Variants in GABRA5 observed in about 807,000 individuals in gnomAD.
GABRA5 encodes the protein gamma-aminobutyric acid receptor subunit alpha-5.
GABRA5 carries 18 observed loss-of-function variants against 47.3 expected under a neutral mutation model. The observed-to-expected ratio is 0.38, with a 90% CI of 0.26 to 0.56. GABRA5 has a LOEUF of 0.56. GABRA5 is among the 20% of genes least tolerant of loss of function. The probability of loss-of-function intolerance (pLI) is 0.71; values close to 1 mark genes in which losing one functional copy is unlikely to be tolerated. For synonymous variants in GABRA5, 237 were observed against 229.3 expected, an observed-to-expected ratio of 1.03 and a Z score of -0.30; for missense variants, 365 against 599.3, an observed-to-expected ratio of 0.61 and a Z score of 4.08.
chr15:26,883,578 G>T lies in GABRA5; in HGVS notation c.497+21G>T, dbSNP rs1254379164. ...ATGCGGTGAGCGCCGGGCGGGGGCG[G>T]GCGGGGCCGGGGGACGGTGCGGGGC... On this transcript the variant is annotated intron_variant, in intron 6 of 10. Coordinates refer to ENST00000335625, the MANE Select transcript of GABRA5 (RefSeq NM_000810.4). The surrounding 1 kb of genome is among the most constrained non-coding windows in gnomAD (Gnocchi z 4.8). 1.3e-6 allele frequency: 2 copies of T among 1,501,002 alleles called. No homozygotes were observed. Among genetic ancestry groups the T allele is most frequent in the South Asian group, 1.2e-5 (1 of 83,768 alleles). The allele number at this position is 1,501,002 out of a possible 1,614,324, so 93.0% of individuals were successfully genotyped here.
rs558763017 is a variant in GABRA5 at position 26,945,601 on chromosome 15, C to T, written c.1089+2175C>T. ...TGGCCAGGGCTTTAGACTCCTGCCT[C>T]GCTGCCCACCAGATGTGTCTGATTT... On this transcript the variant is annotated intron_variant, in intron 10 of 10. Transcript: ENST00000335625. Among the ~76,000 whole-genome samples, 200 of 152,302 alleles carry T rather than the reference C, an allele frequency of 1.3e-3. 2 individuals carry two copies. The highest frequency in any genetic ancestry group is 2.9e-4 in the Non-Finnish European group (20 of 68,016).
At chr15:26,882,822 CA>C (rs1444951274) in intron 4 of GABRA5, among the ~76,000 whole-genome samples, 1 of 152,132 alleles carries the variant, frequency 6.6e-6, no homozygotes, top group Non-Finnish European at 1.5e-5. Context: ...AGGCTGGCAT[CA>C]TTGCTCCAGG....
chr15:26,894,324 A>T (rs9744804), intron 6 of GABRA5, among the ~76,000 whole-genome samples: 1 of 152,060 alleles, frequency 6.6e-6, no homozygotes, highest in Non-Finnish European at 1.5e-5. Flanking sequence ...GTGTGCGTCC[A>T]GGGGCCACCC....
rs1484080343 is a variant in GABRA5, at chr15:26,948,795, C to A, written c.*562C>A. On this transcript the variant is annotated 3_prime_UTR_variant, in exon 11 of 11. Transcript: ENST00000335625. ...ATCTTACACGAAGAAATAGAATAGG[C>A]AAACTTTTATGCAGGCAGATTAATA... 1 of 152,384 alleles carries A rather than the reference C, an allele frequency of 6.6e-6. No individual in the cohort carries two copies. Among genetic ancestry groups the A allele is most frequent in the Non-Finnish European group, 1.5e-5 (1 of 68,270 alleles). 9.4% of individuals were successfully genotyped at this position (152,384 alleles called of 1,614,324 possible).
At chr15:26,907,204 T>C (rs1216477037) in intron 6 of GABRA5, among the ~76,000 whole-genome samples, 2 of 152,220 alleles carry the variant, frequency 1.3e-5, no homozygotes, top group African/African-American at 4.8e-5. Context: ...GGAGACACTT[T>C]GTTATCTCAA....
intron 7 of GABRA5, among the ~76,000 whole-genome samples, chr15:26,932,494 G>A (rs1342182594): frequency 5.3e-5 from 8 of 152,206 alleles, no homozygotes; most frequent in Non-Finnish European, 1.0e-4. Flanking sequence ...TGGAGAAATA[G>A]GAATGAGTTT....
intron 6 of GABRA5, among the ~76,000 whole-genome samples, chr15:26,903,452 A>G (rs1893371574): frequency 6.6e-6 from 1 of 152,114 alleles, no homozygotes; most frequent in African/African-American, 2.4e-5. Flanking sequence ...ACTGGTTTAC[A>G]TTCCTCTGAG....
intron 6 of GABRA5, among the ~76,000 whole-genome samples, chr15:26,896,089 G>T (rs765198492): frequency 6.6e-6 from 1 of 152,112 alleles, no homozygotes; most frequent in Non-Finnish European, 1.5e-5. Flanking sequence ...CTGGGCAACC[G>T]CTGACCGCTC....
intron 4 of GABRA5, among the ~76,000 whole-genome samples, chr15:26,881,254 ATAATCT>A (rs1274565041): frequency 2.0e-5 from 3 of 152,206 alleles, no homozygotes; most frequent in Non-Finnish European, 4.4e-5. Flanking sequence ...CTCTTCCCAG[ATAATCT>A]TAATGTCTAG....
intron 7 of GABRA5, among the ~76,000 whole-genome samples, chr15:26,933,121 A>G (rs1307375052): frequency 6.7e-6 from 1 of 150,000 alleles, no homozygotes; most frequent in African/African-American, 2.4e-5. Context: ...AAAAAGTAGC[A>G]GGCAGTGTGA....
intron 6 of GABRA5, among the ~76,000 whole-genome samples, chr15:26,897,219 G>A (rs536931757): frequency 2.0e-5 from 3 of 152,198 alleles, no homozygotes; most frequent in East Asian, 1.9e-4. Flanking sequence ...GTCAGAATGC[G>A]ACTGCATTTG....
intron 7 of GABRA5, among the ~76,000 whole-genome samples, chr15:26,915,174 G>A (rs1014212949): frequency 2.0e-5 from 3 of 152,120 alleles, no homozygotes; most frequent in Non-Finnish European, 1.5e-5. Flanking sequence ...GATCTCAACC[G>A]GGCAGTTCTT....
upstream of GABRA5, chr15:26,866,954 G>A (rs566050589): frequency 5.3e-5 from 8 of 152,288 alleles, no homozygotes; most frequent in South Asian, 6.2e-4. Context: ...GCAGAACAGG[G>A]CCTCTCCCCT....
chr15:26,891,204 A>G (rs1421395673), intron 6 of GABRA5, among the ~76,000 whole-genome samples: 1 of 152,186 alleles, frequency 6.6e-6, no homozygotes, highest in Non-Finnish European at 1.5e-5. Context: ...TTGCAAATGG[A>G]CCATCTCCAG....
intron 8 of GABRA5, chr15:26,939,630 G>C: frequency 1.7e-6 from 1 of 599,934 alleles, no homozygotes; most frequent in East Asian, 2.8e-5. Context: ...GAGGGAGTGG[G>C]GGGAGAGAGG....
At chr15:26,932,393 T>C (rs1157721833) in intron 7 of GABRA5, among the ~76,000 whole-genome samples, 1 of 152,116 alleles carries the variant, frequency 6.6e-6, no homozygotes, top group African/African-American at 2.4e-5. Flanking sequence ...ATTAGTGAAA[T>C]GCAAATCAAA....
intron 6 of GABRA5, among the ~76,000 whole-genome samples, chr15:26,902,566 G>T (rs529142080): frequency 1.3e-5 from 2 of 151,996 alleles, no homozygotes; most frequent in South Asian, 4.1e-4. Flanking sequence ...AGACGAGCAT[G>T]CTCAAGCTCA....
At chr15:26,885,913 C>T (rs1168918973) in intron 6 of GABRA5, among the ~76,000 whole-genome samples, 1 of 152,114 alleles carries the variant, frequency 6.6e-6, no homozygotes, top group East Asian at 1.9e-4. Context: ...CACTCCTGGT[C>T]CTCGTCGGAC....
At chr15:26,902,459 T>G (rs994242528) in intron 6 of GABRA5, among the ~76,000 whole-genome samples, 1 of 152,138 alleles carries the variant, frequency 6.6e-6, no homozygotes, top group African/African-American at 2.4e-5. Flanking sequence ...AATAAAATAA[T>G]TGACTTACAT....
Sources: allele counts gnomAD v4.1 joint callset (sites outside exome capture counted in the v4.1 genomes callset), GRCh38; gene constraint gnomAD v4.1.1; non-coding constraint Gnocchi (gnomAD v3.1); transcripts MANE v1.5; gene names NCBI Gene and HGNC (gene_info 2026-07-23, HGNC 2026-07-21).